Variants in OSBPL8 observed in about 807,000 individuals in gnomAD.
OSBPL8 encodes oxysterol binding protein like 8.
OSBPL8 carries 59 observed loss-of-function variants against 125.5 expected under a neutral mutation model. The ratio of observed to expected loss-of-function variants is 0.47; its 90% CI spans 0.38 to 0.58. The LOEUF is 0.58. Among genes scored for constraint, OSBPL8 ranks in the 20% least tolerant of loss-of-function variants. The pLI, the probability that OSBPL8 is intolerant of heterozygous loss-of-function variation, is 0.00. For missense variants in OSBPL8, 758 were observed against 1,047.8 expected, an observed-to-expected ratio of 0.72 and a Z score of 3.82; for synonymous variants, 330 against 338.9, an observed-to-expected ratio of 0.97 and a Z score of 0.29.
rs151320057 is a variant in OSBPL8 at position 76,512,402 on chromosome 12, T to C, written c.-67-24784A>G. Among the ~76,000 whole-genome samples, 251 of 152,372 alleles carry C rather than the reference T, an allele frequency of 1.6e-3. 1 individual carries two copies. Among genetic ancestry groups the C allele is most frequent in the African/African-American group, 5.8e-3 (242 of 41,590 alleles). ...GGCATTTAGGTTGATTCCATATCTT[T>C]GTTACTGTGAACAGCCCAGCACAAT... is the stretch of plus-strand genomic sequence containing the variant. On this transcript the variant is annotated intron_variant, in intron 1 of 23. Coordinates refer to ENST00000261183, the MANE Select transcript of OSBPL8 (RefSeq NM_020841.5).
At chr12:76,521,669 T>C (rs1392574228) in intron 1 of OSBPL8, among the ~76,000 whole-genome samples, 2 of 152,156 alleles carry the variant, frequency 1.3e-5, no homozygotes, top group Admixed American at 1.3e-4. Flanking sequence ...TTGAGGACAT[T>C]ATGCTAAGTG....
intron 19 of OSBPL8, among the ~76,000 whole-genome samples, chr12:76,370,760 T>C (rs577861156): frequency 6.6e-6 from 1 of 152,292 alleles, no homozygotes; most frequent in South Asian, 2.1e-4. Flanking sequence ...GTACACAGAC[T>C]TGAATTCCCA....
intron 4 of OSBPL8, among the ~76,000 whole-genome samples, chr12:76,421,953 C>T (rs1455431363): frequency 6.6e-6 from 1 of 151,784 alleles, no homozygotes. Flanking sequence ...CATCTAACAA[C>T]AAGAGGAAGC....
intron 4 of OSBPL8, among the ~76,000 whole-genome samples, chr12:76,411,973 T>C (rs1277494259): frequency 2.0e-5 from 3 of 152,134 alleles, no homozygotes; most frequent in Non-Finnish European, 2.9e-5. Flanking sequence ...ACTGTATCTA[T>C]TAAAGTTAAA....
intron 3 of OSBPL8, among the ~76,000 whole-genome samples, chr12:76,451,877 G>C (rs1468540941): frequency 6.6e-6 from 1 of 152,186 alleles, no homozygotes; most frequent in Non-Finnish European, 1.5e-5. Flanking sequence ...CTAGCACTTT[G>C]GGAAGTCGAG....
At chr12:76,460,170 T>C (rs1200048094) in intron 2 of OSBPL8, among the ~76,000 whole-genome samples, 4 of 152,204 alleles carry the variant, frequency 2.6e-5, no homozygotes, top group Admixed American at 1.3e-4. Flanking sequence ...ATCACCTAAG[T>C]ATTTTGTTTT....
Position 76,536,367 on chromosome 12 carries a change from C to CA in OSBPL8, c.-68+23029dup, listed in dbSNP as rs377365768. Among the ~76,000 whole-genome samples, 1,032 of 145,736 alleles carry CA rather than the reference C, an allele frequency of 7.1e-3. 11 individuals are homozygous for CA. The highest frequency in any genetic ancestry group is 0.024 in the African/African-American group (971 of 39,816). ...ACTAAATATTAAATACTAAAAATACCAAAAAAAAAATCAAGCCCAACTAAA... is the reference window on the plus strand; with the variant it reads ...ACTAAATATTAAATACTAAAAATACCAAAAAAAAAAATCAAGCCCAACTAAA... On this transcript the variant is annotated intron_variant, in intron 1 of 23. Coordinates refer to ENST00000261183, the MANE Select transcript of OSBPL8 (RefSeq NM_020841.5).
At chr12:76,551,043 C>A (rs1056431050) in intron 1 of OSBPL8, among the ~76,000 whole-genome samples, 1 of 152,012 alleles carries the variant, frequency 6.6e-6, no homozygotes, top group African/African-American at 2.4e-5. Context: ...CAGGAGGAGA[C>A]TCTGTCACTC....
chr12:76,390,078 A>C, intron 11 of OSBPL8: 1 of 404,300 alleles, frequency 2.5e-6, no homozygotes, highest in Non-Finnish European at 4.3e-6. Context: ...CTATTATTTT[A>C]TACTACATTT....
At chr12:76,493,336 T>A (rs1019414775) in intron 1 of OSBPL8, among the ~76,000 whole-genome samples, 20 of 152,190 alleles carry the variant, frequency 1.3e-4, no homozygotes, top group African/African-American at 4.8e-4. Flanking sequence ...ATAATTTACA[T>A]GTTTTCATGT....
chr12:76,554,275 T>C (rs1951031634), intron 1 of OSBPL8, among the ~76,000 whole-genome samples: 1 of 152,216 alleles, frequency 6.6e-6, no homozygotes, highest in Admixed American at 6.5e-5. Context: ...TCCATCTTCT[T>C]ATAAAGTAAA....
chr12:76,452,408 C>T (rs917344761), intron 3 of OSBPL8, among the ~76,000 whole-genome samples: 1 of 152,124 alleles, frequency 6.6e-6, no homozygotes, highest in Non-Finnish European at 1.5e-5. Flanking sequence ...CTCAAACTTA[C>T]ATACCCAACT....
chr12:76,458,362 A>G (rs1448392523), intron 3 of OSBPL8, among the ~76,000 whole-genome samples: 1 of 151,964 alleles, frequency 6.6e-6, no homozygotes, highest in Non-Finnish European at 1.5e-5. Context: ...ATAATAAATA[A>G]TATTTATAAA....
At chr12:76,432,822 T>A (rs1871003034) in intron 4 of OSBPL8, among the ~76,000 whole-genome samples, 1 of 152,038 alleles carries the variant, frequency 6.6e-6, no homozygotes, top group Non-Finnish European at 1.5e-5. Context: ...AAAATAGATA[T>A]TACAACTATG....
At position 76,371,555 on chromosome 12, in the gene OSBPL8, C is replaced by T; in HGVS notation, c.1947G>A (p.Lys649=). The T allele has an allele frequency of 6.2e-7, 1 of 1,607,828 alleles. No individual in the cohort carries two copies. The highest frequency in any genetic ancestry group is 8.5e-7 in the Non-Finnish European group (1 of 1,177,076). ...WDSEVFITDK[K]TDNSEVFWNP... The stretch of plus-strand genomic sequence containing the variant: ...TCCAGAAAACCTCTGAATTATCAGT[C>T]TTTTTATCAGTAATAAAAACTTCAC... The change falls in exon 19 of 24, where the codon AAG becomes AAA. Residue 649 remains lysine (K), a synonymous_variant. Coordinates refer to ENST00000261183, the MANE Select transcript of OSBPL8 (RefSeq NM_020841.5).
intron 1 of OSBPL8, among the ~76,000 whole-genome samples, chr12:76,510,229 A>C (rs1880833980): frequency 5.3e-5 from 8 of 152,238 alleles, no homozygotes; most frequent in Admixed American, 5.2e-4. Flanking sequence ...TGTTTTAGAC[A>C]GATATATATG....
rs190961085 is a variant in OSBPL8 at position 76,445,914 on chromosome 12, G to A, written c.217+4937C>T. ...ATAATGGAATTCTATCAAAATACTC[G>A]ACTCAAAGTTTGAAAAATTTGAACC... On this transcript the variant is annotated intron_variant, in intron 4 of 23. Coordinates refer to ENST00000261183, the MANE Select transcript of OSBPL8 (RefSeq NM_020841.5). 3.4e-3 allele frequency among the ~76,000 whole-genome samples: 519 copies of A among 152,006 alleles called. 2 individuals are homozygous for A. Among genetic ancestry groups the A allele is most frequent in the Non-Finnish European group, 4.6e-3 (315 of 67,990 alleles).
At position 76,408,356 on chromosome 12, in the gene OSBPL8, G is replaced by C. The variant is rs571113786; in HGVS notation, c.288+2208C>G. Among the ~76,000 whole-genome samples, 828 of 151,212 alleles carry C rather than the reference G, an allele frequency of 5.5e-3. 5 individuals are homozygous for C. Among genetic ancestry groups the C allele is most frequent in the Non-Finnish European group, 9.6e-3 (649 of 67,784 alleles). ...GGGCGCCTGTAGTCCCAGCTACTCG[G>C]GAGGCTGAGGCAGAAGAATGGCGTG... On this transcript the variant is annotated intron_variant, in intron 5 of 23. Transcript: ENST00000261183.
At chr12:76,463,816 T>C (rs1280223704) in intron 2 of OSBPL8, among the ~76,000 whole-genome samples, 1 of 152,180 alleles carries the variant, frequency 6.6e-6, no homozygotes, top group Non-Finnish European at 1.5e-5. Context: ...ATATAAGTAA[T>C]TGAGGATTAC....
Sources: gnomAD v4.1 joint callset for allele counts (sites outside exome capture counted in the v4.1 genomes callset) on GRCh38, gnomAD v4.1.1 for gene constraint, MANE v1.5 for transcripts, NCBI Gene and HGNC (gene_info 2026-07-23, HGNC 2026-07-21) for gene names.